The following FKBP5 variants were observed in gnomAD, a reference collection of about 807,000 sequenced individuals.
The protein encoded by FKBP5 is peptidyl-prolyl cis-trans isomerase FKBP5.
In FKBP5, 23 loss-of-function variants were observed where a neutral mutation model predicts 50.5. The ratio of observed to expected loss-of-function variants is 0.46; its 90% CI spans 0.33 to 0.65. The LOEUF (loss-of-function observed/expected upper bound fraction) is 0.65, where lower values mean the gene tolerates loss of function less well. FKBP5 is among the 30% of genes least tolerant of loss of function. FKBP5 has a pLI of 0.02. For missense variants in FKBP5, 411 were observed against 553.1 expected (o/e 0.74, Z 2.58); for synonymous variants, 176 against 190.6 (o/e 0.92, Z 0.63).
At chr6:35,609,179 T>A (rs1024260781) in intron 5 of FKBP5, among the ~76,000 whole-genome samples, 25 of 152,214 alleles carry the variant, frequency 1.6e-4, no homozygotes, top group African/African-American at 5.5e-4. Context: ...GGAAATTATT[T>A]TTTTTTTCTC....
intron 1 of FKBP5, among the ~76,000 whole-genome samples, chr6:35,681,610 T>A (rs944797327): frequency 4.6e-5 from 7 of 152,216 alleles, no homozygotes; most frequent in African/African-American, 1.4e-4. Context: ...GAATCAGTAG[T>A]TTATTCCTAC....
intron 7 of FKBP5, among the ~76,000 whole-genome samples, chr6:35,589,129 T>TA (rs879865924): frequency 0.1 from 10,389 of 101,930 alleles, 569 homozygotes; most frequent in Admixed American, 0.17. Context: ...TATATATATA[T>TA]TTTTTTTTTT....
intron 2 of FKBP5, among the ~76,000 whole-genome samples, chr6:35,702,706 C>G (rs1766212841): frequency 6.6e-6 from 1 of 152,012 alleles, no homozygotes; most frequent in Non-Finnish European, 1.5e-5. Context: ...CCCGCCTCGG[C>G]CTTCCAAAGT....
chr6:35,683,918 C>G (rs1012842791), intron 1 of FKBP5, among the ~76,000 whole-genome samples: 1 of 151,832 alleles, frequency 6.6e-6, no homozygotes, highest in Non-Finnish European at 1.5e-5. Context: ...ATTAGCTGGG[C>G]GTGGTGGTGT....
intron 1 of FKBP5, among the ~76,000 whole-genome samples, chr6:35,663,122 G>A (rs892930042): frequency 3.9e-5 from 6 of 152,144 alleles, no homozygotes; most frequent in Admixed American, 1.3e-4. Context: ...AAGTGGCTCC[G>A]GGTGGAAATG....
chr6:35,646,090 TG>T (rs1211885931), intron 1 of FKBP5, among the ~76,000 whole-genome samples: 5 of 152,156 alleles, frequency 3.3e-5, no homozygotes, highest in Non-Finnish European at 7.3e-5. Flanking sequence ...CACTCTAGCC[TG>T]GGTGACAGAG....
At chr6:35,601,502 G>T (rs908467152) in intron 5 of FKBP5, among the ~76,000 whole-genome samples, 12 of 152,172 alleles carry the variant, frequency 7.9e-5, no homozygotes, top group Non-Finnish European at 1.8e-4. Flanking sequence ...GGCCCTGATT[G>T]CAGTAACAGA....
At chr6:35,677,407 G>A (rs1765557041) in intron 1 of FKBP5, among the ~76,000 whole-genome samples, 1 of 152,172 alleles carries the variant, frequency 6.6e-6, no homozygotes, top group African/African-American at 2.4e-5. Flanking sequence ...AACTATCTTG[G>A]TCAGGAAATA....
chr6:35,671,440 G>A (rs1274299239), intron 1 of FKBP5, among the ~76,000 whole-genome samples: 4 of 151,864 alleles, frequency 2.6e-5, no homozygotes, highest in Non-Finnish European at 4.4e-5. Context: ...AGAAAAGACA[G>A]CCTATAAAGC....
chr6:35,646,825 TCTC>T (rs1250640891), intron 1 of FKBP5, among the ~76,000 whole-genome samples: 22 of 152,090 alleles, frequency 1.4e-4, no homozygotes, highest in African/African-American at 5.1e-4. Context: ...AAGCATACAC[TCTC>T]CAAAGTGCTA....
Position 35,615,185 on chromosome 6 carries a change from CAG to C in FKBP5, c.508+3909_508+3910del, listed in dbSNP as rs1407250442. On this transcript the variant is annotated intron_variant, in intron 5 of 10. Transcript: ENST00000357266. ...ACACACACACACACACACACACACA[CAG>C]AGGCTGATGTAGAAATACATATAGA... 9.3e-5 allele frequency among the ~76,000 whole-genome samples: 14 copies of C among 150,764 alleles called. 1 individual carries two copies. The South Asian group carries it at 2.9e-3, about 32-fold the overall frequency.
intron 2 of FKBP5, among the ~76,000 whole-genome samples, chr6:35,710,555 T>A (rs534068482): frequency 1.3e-5 from 2 of 152,318 alleles, no homozygotes; most frequent in African/African-American, 4.8e-5. Flanking sequence ...ACTTTGCTGG[T>A]GAGAACATAC....
At chr6:35,690,495 A>C (rs1265059377), upstream of FKBP5, among the ~76,000 whole-genome samples, 1 of 151,494 alleles carries the variant, frequency 6.6e-6, no homozygotes, top group Non-Finnish European at 1.5e-5. Context: ...TGATGTCTGC[A>C]GAAAAGACAA....
intron 3 of FKBP5, among the ~76,000 whole-genome samples, chr6:35,635,450 CA>C (rs1368832176): frequency 9.1e-5 from 13 of 142,724 alleles, no homozygotes; most frequent in Admixed American, 2.1e-4. Flanking sequence ...GACCCTGTCT[CA>C]AAAAAAAAAG....
At chr6:35,586,951 T>C in intron 8 of FKBP5, 83 bp downstream of exon 8, 1 of 1,595,092 alleles carries the variant, frequency 6.3e-7, no homozygotes, top group Non-Finnish European at 8.6e-7. Flanking sequence ...TTGACAAAAT[T>C]CAGAGTAGGG....
intron 5 of FKBP5, among the ~76,000 whole-genome samples, chr6:35,610,567 CAAAAAAAAA>C (rs35101873): frequency 1.7e-5 from 1 of 58,628 alleles, no homozygotes; most frequent in Non-Finnish European, 2.8e-5. Context: ...GACTCCGTCT[CAAAAAAAAA>C]AAAAAAAAAA....
chr6:35,599,887 C>T (rs2395633), intron 5 of FKBP5, among the ~76,000 whole-genome samples: 128,790 of 152,226 alleles, frequency 0.85, 54,622 homozygotes, highest in African/African-American at 0.89. Flanking sequence ...AATACAGTCA[C>T]GCTTCACTTA....
intron 1 of FKBP5, among the ~76,000 whole-genome samples, chr6:35,721,114 G>A (rs1766602335): frequency 6.6e-6 from 1 of 152,286 alleles, no homozygotes; most frequent in African/African-American, 2.4e-5. Context: ...CATTTTGGGA[G>A]GCTGAGGCGG....
At chr6:35,644,655 C>T (rs1581846626) in intron 1 of FKBP5, among the ~76,000 whole-genome samples, 2 of 152,140 alleles carry the variant, frequency 1.3e-5, no homozygotes, top group African/African-American at 4.8e-5. Context: ...AAACAAACAA[C>T]AAAAATTATG....
Sources: gnomAD v4.1 joint callset for allele counts (sites outside exome capture counted in the v4.1 genomes callset) on GRCh38, gnomAD v4.1.1 for gene constraint, MANE v1.5 for transcripts, NCBI Gene and HGNC (gene_info 2026-07-23, HGNC 2026-07-21) for gene names.